Variants in FMN1 observed in about 807,000 individuals in gnomAD.
FMN1 encodes formin-1.
A neutral mutation model predicts 132.4 loss-of-function variants in FMN1; 110 were observed. The ratio of observed to expected loss-of-function variants is 0.83; its 90% CI spans 0.71 to 0.97. The LOEUF (loss-of-function observed/expected upper bound fraction) is 0.97, where lower values mean the gene tolerates loss of function less well. FMN1 is among the 50% of genes least tolerant of loss of function. The probability of loss-of-function intolerance (pLI) is 0.00; values close to 1 mark genes in which losing one functional copy is unlikely to be tolerated. For synonymous variants in FMN1, 722 were observed against 651.7 expected, an observed-to-expected ratio of 1.11 and a Z score of -1.64; for missense variants, 1,792 against 1,705.3, an observed-to-expected ratio of 1.05 and a Z score of -0.90.
chr15:32,939,255 A>T (rs2061348630), intron 9 of FMN1, among the ~76,000 whole-genome samples: 1 of 152,196 alleles, frequency 6.6e-6, no homozygotes. Flanking sequence ...AGCTAACCGA[A>T]TTTTTACGGT....
At chr15:33,190,564 G>GA (rs1003102596) in intron 2 of FMN1, among the ~76,000 whole-genome samples, 2 of 152,082 alleles carry the variant, frequency 1.3e-5, no homozygotes, top group Admixed American at 6.6e-5. Context: ...TCACGTGGGG[G>GA]AAAAATGGAA....
intron 5 of FMN1, among the ~76,000 whole-genome samples, chr15:33,088,315 T>C (rs900687001): frequency 5.3e-5 from 8 of 152,250 alleles, no homozygotes; most frequent in African/African-American, 1.9e-4. Flanking sequence ...TGCATTATCC[T>C]ATATTCTGCA....
At chr15:32,880,106 A>T (rs1380166286) in intron 16 of FMN1, among the ~76,000 whole-genome samples, 1 of 148,808 alleles carries the variant, frequency 6.7e-6, no homozygotes, top group Non-Finnish European at 1.5e-5. Flanking sequence ...TCTTTCCTTC[A>T]CTCCCGCCTC....
At chr15:33,086,291 T>C (rs1247851728) in intron 5 of FMN1, among the ~76,000 whole-genome samples, 2 of 139,670 alleles carry the variant, frequency 1.4e-5, no homozygotes, top group African/African-American at 5.4e-5. Flanking sequence ...AAGACGAGGT[T>C]ATAAAATCTG....
chr15:33,064,914 G>T (rs73378518), intron 6 of FMN1, 43 bp downstream of exon 6: 5 of 1,371,646 alleles, frequency 3.6e-6, no homozygotes, highest in Non-Finnish European at 5.2e-6. Flanking sequence ...AGCCATTGCA[G>T]GAAGAGATTC....
chr15:32,935,256 G>GCTTT (rs2061236354), intron 9 of FMN1, among the ~76,000 whole-genome samples: 1 of 152,096 alleles, frequency 6.6e-6, no homozygotes, highest in South Asian at 2.1e-4. Context: ...TTTCTTACTT[G>GCTTT]GTAATTTTCT....
chr15:32,880,117 T>C (rs1248019273), intron 16 of FMN1, among the ~76,000 whole-genome samples: 1 of 152,048 alleles, frequency 6.6e-6, no homozygotes, highest in Non-Finnish European at 1.5e-5. Context: ...CTCCCGCCTC[T>C]TCACTTCCAT....
chr15:32,790,003 A>C (rs933234863), intron 19 of FMN1, among the ~76,000 whole-genome samples: 4 of 150,278 alleles, frequency 2.7e-5, no homozygotes, highest in African/African-American at 9.8e-5. Context: ...GAAATCACCT[A>C]ACAATGCGTT....
chr15:32,877,744 T>C (rs2059672026), intron 16 of FMN1, among the ~76,000 whole-genome samples: 1 of 152,178 alleles, frequency 6.6e-6, no homozygotes, highest in African/African-American at 2.4e-5. Context: ...AATCTGTCCC[T>C]CTAAAAGATT....
chr15:33,191,803 A>G (rs542016361), intron 2 of FMN1, among the ~76,000 whole-genome samples: 8 of 152,366 alleles, frequency 5.3e-5, no homozygotes, highest in African/African-American at 1.9e-4. Context: ...TCACAGTGCC[A>G]GCCTGTTGGT....
intron 9 of FMN1, among the ~76,000 whole-genome samples, chr15:32,950,287 A>T (rs1419051377): frequency 1.3e-5 from 2 of 151,644 alleles, no homozygotes; most frequent in African/African-American, 4.8e-5. Flanking sequence ...GCAATTCCTC[A>T]AAGACCTACA....
intron 15 of FMN1, among the ~76,000 whole-genome samples, chr15:32,895,380 C>T (rs539879528): frequency 6.6e-6 from 1 of 151,142 alleles, no homozygotes; most frequent in Non-Finnish European, 1.5e-5. Context: ...AACAAAAACA[C>T]AACCTTGCTT....
At chr15:33,179,560 C>T (rs1484217172) in intron 3 of FMN1, among the ~76,000 whole-genome samples, 1 of 152,136 alleles carries the variant, frequency 6.6e-6, no homozygotes, top group Admixed American at 6.5e-5. Flanking sequence ...AGTCCCTTTC[C>T]CTGAGGCATC....
At chr15:32,802,227 T>C (rs1203757075) in intron 18 of FMN1, among the ~76,000 whole-genome samples, 3 of 152,220 alleles carry the variant, frequency 2.0e-5, no homozygotes. Context: ...GTCTGATTTG[T>C]ATCTTTTTAA....
chr15:32,921,764 C>T (rs551391715), intron 10 of FMN1, among the ~76,000 whole-genome samples: 161 of 150,730 alleles, frequency 1.1e-3, no homozygotes, highest in Non-Finnish European at 2.1e-3. Context: ...CCACCTCCTA[C>T]GCTCAAGCAA....
chr15:32,881,513 T>C (rs1328021204), intron 16 of FMN1, among the ~76,000 whole-genome samples: 2 of 152,140 alleles, frequency 1.3e-5, no homozygotes, highest in African/African-American at 2.4e-5. Context: ...CCTTGATGAG[T>C]GTTCAATCAA....
chr15:32,971,461 T>A (rs1035596847), intron 7 of FMN1, among the ~76,000 whole-genome samples: 4 of 152,236 alleles, frequency 2.6e-5, no homozygotes, highest in Admixed American at 2.6e-4. Context: ...TTCACTCAAC[T>A]GTGAGATCGA....
At chr15:33,110,726 A>C (rs929626313) in intron 4 of FMN1, among the ~76,000 whole-genome samples, 1 of 151,750 alleles carries the variant, frequency 6.6e-6, no homozygotes, top group Non-Finnish European at 1.5e-5. Flanking sequence ...ACAGTCTTTT[A>C]TTTAAAAATG....
intron 17 of FMN1, among the ~76,000 whole-genome samples, chr15:32,840,876 T>A (rs936838880): frequency 6.6e-6 from 1 of 152,194 alleles, no homozygotes; most frequent in Admixed American, 6.5e-5. Context: ...AGAATCGTTG[T>A]TTAAAGAAGA....
Sources: gnomAD v4.1 joint callset for allele counts (sites outside exome capture counted in the v4.1 genomes callset) on GRCh38, gnomAD v4.1.1 for gene constraint, MANE v1.5 for transcripts, NCBI Gene and HGNC (gene_info 2026-07-23, HGNC 2026-07-21) for gene names.